Variants in RPS6KB1 observed in about 807,000 individuals in gnomAD.
RPS6KB1 encodes ribosomal protein S6 kinase beta-1.
Under a neutral mutation model 70.2 loss-of-function variants are expected in RPS6KB1, and 12 were observed. The ratio of observed to expected loss-of-function variants is 0.17; its 90% CI spans 0.11 to 0.28. The LOEUF (loss-of-function observed/expected upper bound fraction) is 0.28. Ranked by LOEUF, RPS6KB1 falls within the 10% of genes least tolerant of loss-of-function variation. RPS6KB1 has a pLI of 1.00. For synonymous variants in RPS6KB1, 175 were observed against 211.2 expected, an observed-to-expected ratio of 0.83 and a Z score of 1.49; for missense variants, 270 against 646.6, an observed-to-expected ratio of 0.42 and a Z score of 6.32.
At chr17:59,941,632 G>A (rs1406491864) in intron 13 of RPS6KB1, among the ~76,000 whole-genome samples, 2 of 150,402 alleles carry the variant, frequency 1.3e-5, no homozygotes, top group Non-Finnish European at 3.0e-5. Context: ...ACATAAGTAG[G>A]GGATTTTTTT....
intron 7 of RPS6KB1, among the ~76,000 whole-genome samples, chr17:59,933,122 A>G (rs1399508670): frequency 1.3e-5 from 2 of 152,054 alleles, no homozygotes; most frequent in Non-Finnish European, 2.9e-5. Flanking sequence ...TGAGGTAGTT[A>G]ATTGTTTCAA....
chr17:59,948,999 T>G lies in RPS6KB1; in HGVS notation c.*2211T>G, dbSNP rs969216583. 1 of 152,604 alleles carries G rather than the reference T, an allele frequency of 6.6e-6. No homozygotes were observed. The highest frequency in any genetic ancestry group is 2.4e-5 in the African/African-American group (1 of 41,462). 9.5% of individuals were successfully genotyped at this position (152,604 alleles called of 1,614,324 possible). ...ATTCTTCCTAGGTCCTATTTGCTAG[T>G]AACATGAGCACTGTGATTGGCTGGC... is the stretch of plus-strand genomic sequence containing the variant. On this transcript the variant is annotated 3_prime_UTR_variant, in exon 15 of 15. Transcript: ENST00000225577.
At chr17:59,911,648 G>T (rs2042650414) in intron 2 of RPS6KB1, among the ~76,000 whole-genome samples, 1 of 147,334 alleles carries the variant, frequency 6.8e-6, no homozygotes, top group African/African-American at 2.5e-5. Flanking sequence ...AGGTTCAAGT[G>T]ATTCTCCTGC....
At chr17:59,908,511 AT>A (rs2042402347) in intron 1 of RPS6KB1, among the ~76,000 whole-genome samples, 1 of 148,820 alleles carries the variant, frequency 6.7e-6, no homozygotes, top group Non-Finnish European at 1.5e-5. Context: ...GAAAATATAC[AT>A]TTTCGAATAG....
rs745869815 is a variant in RPS6KB1, at chr17:59,931,587, T to C, written c.588-35T>C. The C allele has an allele frequency of 3.3e-6, 5 of 1,535,096 alleles. No individual in the cohort carries two copies. The East Asian group carries it at 9.0e-5, about 28-fold the overall frequency. On this transcript the variant is annotated intron_variant, in intron 6 of 14. Coordinates refer to ENST00000225577, the MANE Select transcript of RPS6KB1 (RefSeq NM_003161.4). ...GTAAACTGCTTTGGATAGATTACAC[T>C]CTTTTTAATTTTATTAAATCACTTT... is the stretch of plus-strand genomic sequence containing the variant.
In RPS6KB1 at chr17:59,946,519, C is replaced by T; in HGVS notation, c.1341-32C>T. 6.6e-7 allele frequency: 1 copy of T among 1,518,994 alleles called. No homozygotes were observed. The highest frequency in any genetic ancestry group is 9.1e-7 in the Non-Finnish European group (1 of 1,093,552). The allele number at this position is 1,518,994 out of a possible 1,614,324, so 94.1% of individuals were successfully genotyped here. On this transcript the variant is annotated intron_variant, in intron 14 of 14. Coordinates refer to ENST00000225577, the MANE Select transcript of RPS6KB1 (RefSeq NM_003161.4). The surrounding 1 kb of genome is among the most constrained non-coding windows in gnomAD (Gnocchi z 4.2). The stretch of plus-strand genomic sequence containing the variant: ...ATGTCTTGTTGAGATGACCCTTAAG[C>T]AAATGAATGATAGCTCTTCCTTGTC...
chr17:59,914,596 A>T, intron 3 of RPS6KB1, 39 bp from the exon 4 acceptor site: 1 of 1,451,760 alleles, frequency 6.9e-7, no homozygotes, highest in Non-Finnish European at 9.7e-7. Context: ...TGCCTGACAT[A>T]GTTTGCCTTT....
intron 3 of RPS6KB1, among the ~76,000 whole-genome samples, 155 bp from the exon 4 acceptor site, chr17:59,914,480 T>C (rs2042826819): frequency 6.6e-6 from 1 of 152,214 alleles, no homozygotes; most frequent in South Asian, 2.1e-4. Flanking sequence ...AGGAAAGTCA[T>C]GATCATTAAT....
At chr17:59,928,949 G>T (rs570449317) in intron 5 of RPS6KB1, among the ~76,000 whole-genome samples, 1 of 152,172 alleles carries the variant, frequency 6.6e-6, no homozygotes, top group East Asian at 1.9e-4. Flanking sequence ...CAGATCAAGA[G>T]GTACATGATA....
At chr17:59,912,399 C>T (rs1226865124) in intron 2 of RPS6KB1, 2 of 287,560 alleles carry the variant, frequency 7.0e-6, no homozygotes, top group Non-Finnish European at 1.4e-5. Context: ...TCCAAGGCAT[C>T]TACCCAATGA....
At chr17:59,898,578 C>T (rs1451577592) in intron 1 of RPS6KB1, among the ~76,000 whole-genome samples, 1 of 151,800 alleles carries the variant, frequency 6.6e-6, no homozygotes, top group Non-Finnish European at 1.5e-5. Context: ...CTCAGCCTCC[C>T]GAGTAGCTGG....
At chr17:59,938,256 T>C (rs1282292082) in intron 12 of RPS6KB1, among the ~76,000 whole-genome samples, 4 of 146,318 alleles carry the variant, frequency 2.7e-5, no homozygotes, top group African/African-American at 1.0e-4. Flanking sequence ...CATGGCAGCC[T>C]CAACCTCCCA....
intron 5 of RPS6KB1, among the ~76,000 whole-genome samples, chr17:59,927,379 C>T (rs771098681): frequency 8.6e-5 from 13 of 152,022 alleles, no homozygotes; most frequent in African/African-American, 2.4e-4. Context: ...CCACTGCACC[C>T]GGCCACAAGT....
chr17:59,922,018 T>C, intron 4 of RPS6KB1, among the ~76,000 whole-genome samples: 1 of 151,480 alleles, frequency 6.6e-6, no homozygotes, highest in South Asian at 2.1e-4. Context: ...ATTTCATCTA[T>C]ACATCTCCTA....
At chr17:59,905,606 G>A (rs1323762234) in intron 1 of RPS6KB1, among the ~76,000 whole-genome samples, 1 of 151,292 alleles carries the variant, frequency 6.6e-6, no homozygotes, top group Non-Finnish European at 1.5e-5. Context: ...CTGGATTCAA[G>A]CAATTCTCCT....
chr17:59,902,068 A>AGT (rs1335591675), intron 1 of RPS6KB1, among the ~76,000 whole-genome samples: 69 of 139,782 alleles, frequency 4.9e-4, no homozygotes, highest in Non-Finnish European at 7.4e-4. Context: ...GGAATCATAT[A>AGT]GTGTATGACC....
Position 59,935,024 on chromosome 17 carries a change from C to T in RPS6KB1, c.871-169C>T, listed in dbSNP as rs1598802226. ...CTTGACAACATAGTTGAGACCCTGTCTGTAAAACAAAATAAAGGTCTTTAG... is the reference window on the plus strand; with the variant it reads ...CTTGACAACATAGTTGAGACCCTGTTTGTAAAACAAAATAAAGGTCTTTAG... On this transcript the variant is annotated intron_variant, in intron 9 of 14. Coordinates refer to ENST00000225577, the MANE Select transcript of RPS6KB1 (RefSeq NM_003161.4). The T allele has an allele frequency of 7.5e-6, 4 of 531,452 alleles. No homozygotes were observed. In the East Asian group the frequency reaches 9.9e-5, roughly 13 times the overall value. The allele number at this position is 531,452 out of a possible 1,614,324, so 32.9% of individuals were successfully genotyped here.
rs2041836618 is a variant in RPS6KB1 at position 59,900,211 on chromosome 17, CACACACACACACACACACA to C, written c.141+6887_141+6905del. Among the ~76,000 whole-genome samples the C allele has an allele frequency of 4.3e-5, 6 of 140,932 alleles. No individual in the cohort carries two copies. The South Asian group carries it at 1.1e-3, about 26-fold the overall frequency. The allele number at this position is 140,932 out of a possible 152,430, so 92.5% of individuals were successfully genotyped here. A position where few individuals can be genotyped will look rare whatever the true frequency, so the allele number is the denominator to read the frequency against. The stretch of plus-strand genomic sequence containing the variant: ...ACACACACACACACACACACACACA[CACACACACACACACACACA>C]CCCCTATGTGTTTTTGTTGTGTATG... On this transcript the variant is annotated intron_variant, in intron 1 of 14. Transcript: ENST00000225577.
chr17:59,902,476 T>C (rs1459223622), intron 1 of RPS6KB1, among the ~76,000 whole-genome samples: 1 of 152,186 alleles, frequency 6.6e-6, no homozygotes, highest in Non-Finnish European at 1.5e-5. Context: ...TTATTCTGTT[T>C]TATGGCTACA....
Sources: allele counts gnomAD v4.1 joint callset (sites outside exome capture counted in the v4.1 genomes callset), GRCh38; gene constraint gnomAD v4.1.1; non-coding constraint Gnocchi (gnomAD v3.1); transcripts MANE v1.5; gene names NCBI Gene and HGNC (gene_info 2026-07-23, HGNC 2026-07-21).